The following EYS variants were observed in gnomAD, a reference collection of about 807,000 sequenced individuals.
EYS encodes protein eyes shut homolog.
In EYS, 250 loss-of-function variants were observed where a neutral mutation model predicts 282.1. The ratio of observed to expected loss-of-function variants is 0.89; its 90% CI spans 0.80 to 0.98. The LOEUF (loss-of-function observed/expected upper bound fraction) is 0.98. Among genes scored for constraint, EYS ranks in the 50% least tolerant of loss-of-function variants. EYS has a pLI of 0.00. For synonymous variants in EYS, 1,355 were observed against 1,282.9 expected (o/e 1.06, Z -1.20); for missense variants, 4,016 against 3,709.0 (o/e 1.08, Z -2.15).
At chr6:65,111,846 C>A (rs1167212854) in intron 12 of EYS, among the ~76,000 whole-genome samples, 1 of 152,066 alleles carries the variant, frequency 6.6e-6, no homozygotes, top group African/African-American at 2.4e-5. Flanking sequence ...GACTCTATTT[C>A]CCCCCACCAA....
chr6:64,709,003 G>A (rs1771120123), intron 22 of EYS, among the ~76,000 whole-genome samples: 1 of 97,410 alleles, frequency 1.0e-5, no homozygotes, highest in African/African-American at 3.4e-5. Flanking sequence ...ATGATTGCCT[G>A]GCATACATGC....
intron 4 of EYS, among the ~76,000 whole-genome samples, chr6:65,494,448 T>A (rs1255805218): frequency 6.6e-6 from 1 of 151,340 alleles, no homozygotes; most frequent in Non-Finnish European, 1.5e-5. Context: ...CGGCTAATTT[T>A]TTTTTTGTAT....
At chr6:65,198,041 CACATTGT>C (rs1765811408) in intron 12 of EYS, among the ~76,000 whole-genome samples, 1 of 152,050 alleles carries the variant, frequency 6.6e-6, no homozygotes. Flanking sequence ...AAAACACAAG[CACATTGT>C]ACAGCTCTCC....
intron 2 of EYS, among the ~76,000 whole-genome samples, chr6:65,597,852 A>C (rs560671961): frequency 8.5e-5 from 13 of 152,126 alleles, no homozygotes; most frequent in Non-Finnish European, 1.8e-4. Flanking sequence ...TGTAATCCCA[A>C]TACTTTGGGA....
At chr6:65,359,601 C>G (rs529123023) in intron 8 of EYS, among the ~76,000 whole-genome samples, 1 of 152,056 alleles carries the variant, frequency 6.6e-6, no homozygotes, top group Non-Finnish European at 1.5e-5. Flanking sequence ...CCTAGAATTA[C>G]AGCATCTATA....
rs71002305 is a variant in EYS at position 65,407,744 on chromosome 6, CGTGTGTGTGTGT to C, written c.863-2389_863-2378del. 6.1e-3 allele frequency among the ~76,000 whole-genome samples: 879 copies of C among 144,166 alleles called. 1 individual carries two copies. The highest frequency in any genetic ancestry group is 0.011 in the Middle Eastern group (3 of 278). The allele number at this position is 144,166 out of a possible 152,430, so 94.6% of individuals were successfully genotyped here. On this transcript the variant is annotated intron_variant, in intron 5 of 42. Transcript: ENST00000503581. ...CTGCTTTCCTTTCAACTAATAAGTC[CGTGTGTGTGTGT>C]GTGTGTGTGTGTGTGTGTGTGTGTG... is the stretch of plus-strand genomic sequence containing the variant.
At chr6:64,566,664 G>T (rs1765575506) in intron 26 of EYS, among the ~76,000 whole-genome samples, 1 of 151,996 alleles carries the variant, frequency 6.6e-6, no homozygotes, top group Non-Finnish European at 1.5e-5. Flanking sequence ...GCTTGAAGTT[G>T]GTGAGAAGTA....
chr6:65,542,276 T>C (rs1353578532), intron 2 of EYS, among the ~76,000 whole-genome samples: 1 of 152,182 alleles, frequency 6.6e-6, no homozygotes, highest in Non-Finnish European at 1.5e-5. Context: ...TAGGCATCTA[T>C]CTTCCAATAA....
chr6:64,814,947 A>T (rs1482572085), intron 21 of EYS, among the ~76,000 whole-genome samples: 2 of 152,000 alleles, frequency 1.3e-5, no homozygotes, highest in Non-Finnish European at 2.9e-5. Context: ...GTGACTTTTT[A>T]AAAAAGTATT....
chr6:65,294,830 C>T (rs1768619055), intron 12 of EYS, among the ~76,000 whole-genome samples: 1 of 151,796 alleles, frequency 6.6e-6, no homozygotes, highest in Non-Finnish European at 1.5e-5. Flanking sequence ...ACAATGCTAG[C>T]ACATTTATGC....
chr6:64,470,526 C>T (rs1776091352), intron 26 of EYS, among the ~76,000 whole-genome samples: 1 of 152,036 alleles, frequency 6.6e-6, no homozygotes. Flanking sequence ...AATCTTTTGC[C>T]CTGGTTTACA....
chr6:65,485,369 C>T lies in EYS; in HGVS notation c.862+5225G>A, dbSNP rs73447210. The stretch of plus-strand genomic sequence containing the variant: ...TTCTTACATATCACTCTGTGAAGCA[C>T]GTCTTTTCATTTAGATCAAATGACT... On this transcript the variant is annotated intron_variant, in intron 5 of 42. Coordinates refer to ENST00000503581, the MANE Select transcript of EYS (RefSeq NM_001142800.2). 4.6e-3 allele frequency among the ~76,000 whole-genome samples: 696 copies of T among 152,318 alleles called. 3 individuals are homozygous for T. Among genetic ancestry groups the T allele is most frequent in the African/African-American group, 0.015 (626 of 41,570 alleles).
chr6:65,374,470 G>T (rs1765280076), intron 8 of EYS, among the ~76,000 whole-genome samples: 1 of 151,242 alleles, frequency 6.6e-6, no homozygotes, highest in African/African-American at 2.4e-5. Context: ...AAACTGGGAG[G>T]CTGTTGGGGC....
At chr6:65,505,219 C>T (rs187829778) in intron 2 of EYS, among the ~76,000 whole-genome samples, 1 of 151,712 alleles carries the variant, frequency 6.6e-6, no homozygotes, top group Non-Finnish European at 1.5e-5. Flanking sequence ...TTTTATATAT[C>T]CTCTTAATGC....
At chr6:64,648,373 A>T (rs1768430805) in intron 22 of EYS, among the ~76,000 whole-genome samples, 1 of 152,220 alleles carries the variant, frequency 6.6e-6, no homozygotes, top group Non-Finnish European at 1.5e-5. Flanking sequence ...CCATGAAAGC[A>T]TCATTTCTAC....
At chr6:64,045,442 T>A (rs202000435) in intron 33 of EYS, among the ~76,000 whole-genome samples, 5 of 124,362 alleles carry the variant, frequency 4.0e-5, no homozygotes, top group Admixed American at 8.4e-5. Flanking sequence ...ATTTTATTTA[T>A]TTTATTTTAT....
chr6:65,458,263 C>T (rs1055849027), intron 5 of EYS, among the ~76,000 whole-genome samples: 2 of 152,146 alleles, frequency 1.3e-5, no homozygotes, highest in Admixed American at 1.3e-4. Flanking sequence ...ACCATATATT[C>T]TCTACCGTGG....
rs1357425624 is a variant in EYS at position 64,593,395 on chromosome 6, G to A, written c.3685-86C>T. ...GTAAAGTTTGTTTTGAGATCCATTTGCATTTCCATAGACATATTGGATAGC... is the reference window on the plus strand; with the variant it reads ...GTAAAGTTTGTTTTGAGATCCATTTACATTTCCATAGACATATTGGATAGC... On this transcript the variant is annotated intron_variant, in intron 24 of 42. Transcript: ENST00000503581. 5.8e-6 allele frequency: 6 copies of A among 1,031,874 alleles called. No homozygotes were observed. The East Asian group carries it at 1.1e-4, about 19-fold the overall frequency. The allele number at this position is 1,031,874 out of a possible 1,614,324, so 63.9% of individuals were successfully genotyped here. A position where few individuals can be genotyped will look rare whatever the true frequency, so the allele number is the denominator to read the frequency against.
intron 31 of EYS, among the ~76,000 whole-genome samples, chr6:64,100,331 T>C (rs1772783076): frequency 6.6e-6 from 1 of 152,190 alleles, no homozygotes; most frequent in Non-Finnish European, 1.5e-5. Context: ...TCAATGATGA[T>C]ATATTTTATT....
Sources: gnomAD v4.1 joint callset for allele counts (sites outside exome capture counted in the v4.1 genomes callset) on GRCh38, gnomAD v4.1.1 for gene constraint, MANE v1.5 for transcripts, NCBI Gene and HGNC (gene_info 2026-07-23, HGNC 2026-07-21) for gene names.